Variants in CTNNA3 observed in about 807,000 individuals in gnomAD.
CTNNA3 encodes catenin alpha-3.
In CTNNA3, 76 loss-of-function variants were observed where a neutral mutation model predicts 95.7. The ratio of observed to expected loss-of-function variants is 0.79; its 90% confidence interval spans 0.66 to 0.96. The LOEUF (loss-of-function observed/expected upper bound fraction) is 0.96. CTNNA3 is among the 40% of genes least tolerant of loss of function. CTNNA3 has a pLI of 0.00. For missense variants in CTNNA3, 1,191 were observed against 1,089.8 expected (o/e 1.09, Z -1.31); for synonymous variants, 431 against 374.4 (o/e 1.15, Z -1.74).
At chr10:67,270,827 A>G (rs1838941984) in intron 5 of CTNNA3, among the ~76,000 whole-genome samples, 1 of 152,164 alleles carries the variant, frequency 6.6e-6, no homozygotes, top group East Asian at 1.9e-4. Flanking sequence ...AAGCCATACT[A>G]CCTTGATAAT....
intron 7 of CTNNA3, among the ~76,000 whole-genome samples, chr10:67,020,309 A>G (rs1034643751): frequency 2.0e-5 from 3 of 152,194 alleles, no homozygotes; most frequent in African/African-American, 7.2e-5. Flanking sequence ...ATACAGCCTC[A>G]TGTTAAATTA....
chr10:66,371,763 G>GCA (rs1472073531), intron 12 of CTNNA3, among the ~76,000 whole-genome samples: 4 of 152,116 alleles, frequency 2.6e-5, no homozygotes, highest in Non-Finnish European at 5.9e-5. Context: ...GTGAGGCAGA[G>GCA]CACTGTCTGC....
At chr10:67,756,687 G>C (rs1841435022) in intron 1 of CTNNA3, among the ~76,000 whole-genome samples, 1 of 152,164 alleles carries the variant, frequency 6.6e-6, no homozygotes, top group South Asian at 2.1e-4. Context: ...TGAGGAAAGT[G>C]GGGAGTGAAG....
At chr10:66,548,788 T>C (rs1449634894) in intron 10 of CTNNA3, among the ~76,000 whole-genome samples, 3 of 152,084 alleles carry the variant, frequency 2.0e-5, no homozygotes, top group African/African-American at 7.2e-5. Flanking sequence ...ATCTTTCTTA[T>C]AATACATTTT....
intron 7 of CTNNA3, among the ~76,000 whole-genome samples, chr10:67,028,124 C>T (rs1853503418): frequency 6.6e-6 from 1 of 152,174 alleles, no homozygotes; most frequent in South Asian, 2.1e-4. Flanking sequence ...CTTTTCTCTA[C>T]TGATGAGTGT....
intron 7 of CTNNA3, among the ~76,000 whole-genome samples, chr10:67,110,493 A>G (rs543650593): frequency 6.6e-6 from 1 of 151,850 alleles, no homozygotes; most frequent in East Asian, 1.9e-4. Context: ...AAGTAATTGG[A>G]CAATTGGACA....
At chr10:66,761,241 G>A (rs1589225199) in intron 9 of CTNNA3, among the ~76,000 whole-genome samples, 1 of 152,120 alleles carries the variant, frequency 6.6e-6, no homozygotes, top group Non-Finnish European at 1.5e-5. Context: ...TTTTGCGAGT[G>A]GGAACAATCA....
chr10:67,219,854 T>A lies in CTNNA3; in HGVS notation c.596A>T (p.Asn199Ile). Residue 199 changes from asparagine to isoleucine, a missense_variant, in exon 6 of 18, where the codon AAT becomes ATT. Asn to Ile is a moderately radical substitution (Grantham distance 149). Coordinates refer to ENST00000433211, the MANE Select transcript of CTNNA3 (RefSeq NM_013266.4). ...GGCTCCTGCAATTTCATCTCTCTGA[T>A]TTGGAGATTTTAAGTCCTGAGAAGG... ...FKRQQDLKSP[N>I]QRDEIAGARA... The A allele has an allele frequency of 6.2e-7, 1 of 1,611,124 alleles. No homozygotes were observed. The highest frequency in any genetic ancestry group is 1.1e-5 in the South Asian group (1 of 90,730).
intron 6 of CTNNA3, among the ~76,000 whole-genome samples, chr10:67,198,321 G>A (rs1476507624): frequency 1.3e-5 from 2 of 152,064 alleles, no homozygotes; most frequent in Non-Finnish European, 2.9e-5. Flanking sequence ...AGCACTGGTG[G>A]AGGATAAAAG....
At chr10:67,082,961 A>G (rs1026890487) in intron 7 of CTNNA3, among the ~76,000 whole-genome samples, 2 of 152,120 alleles carry the variant, frequency 1.3e-5, no homozygotes, top group African/African-American at 4.8e-5. Context: ...CATTAACTGG[A>G]TTGCTGAACC....
In CTNNA3 at chr10:67,298,044, A is replaced by G. The variant is rs1840118040; in HGVS notation, c.580-78174T>C. ...CAGTCATTGGAATGGTAAGATGTAC[A>G]AGTACTTTTTAAGTTGGCTTCATCT... On this transcript the variant is annotated intron_variant, in intron 5 of 17. Transcript: ENST00000433211. Among the ~76,000 whole-genome samples the G allele has an allele frequency of 3.9e-5, 6 of 152,346 alleles. No individual in the cohort carries two copies. The South Asian group carries it at 1.2e-3, about 32-fold the overall frequency.
At chr10:66,634,687 TACTC>T (rs1394931719) in intron 9 of CTNNA3, among the ~76,000 whole-genome samples, 2 of 151,840 alleles carry the variant, frequency 1.3e-5, no homozygotes, top group African/African-American at 4.8e-5. Flanking sequence ...TTTCCTATCT[TACTC>T]ACACCTCCAA....
intron 7 of CTNNA3, among the ~76,000 whole-genome samples, chr10:67,088,783 G>A (rs959165160): frequency 3.3e-5 from 5 of 151,666 alleles, no homozygotes; most frequent in Admixed American, 1.3e-4. Flanking sequence ...CATTATTCTC[G>A]TTACAGACAC....
intron 12 of CTNNA3, among the ~76,000 whole-genome samples, chr10:66,309,943 AAATAAATAAAT>A (rs1564856533): frequency 2.1e-5 from 3 of 140,294 alleles, no homozygotes; most frequent in East Asian, 2.0e-4. Flanking sequence ...ATAAATAAAT[AAATAAATAAAT>A]AAAATAAAAA....
In CTNNA3 at chr10:67,724,751, C is replaced by T. The variant is rs78282293; in HGVS notation, c.-2+38683G>A. Among the ~76,000 whole-genome samples the T allele has an allele frequency of 7.2e-3, 1,098 of 152,218 alleles. 16 individuals carry two copies. Among genetic ancestry groups the T allele is most frequent in the African/African-American group, 0.025 (1,045 of 41,552 alleles). On this transcript the variant is annotated intron_variant, in intron 1 of 17. Coordinates refer to the CTNNA3 transcript ENST00000684154. Reference sequence around the variant, plus strand: ...TACCTAGTATATTTTCCAAGTTTTACGGCCCGAATCACTAAATCCAAAGCT... The same window carrying T: ...TACCTAGTATATTTTCCAAGTTTTATGGCCCGAATCACTAAATCCAAAGCT...
At chr10:67,015,740 A>AT (rs1489058859) in intron 7 of CTNNA3, among the ~76,000 whole-genome samples, 1 of 151,634 alleles carries the variant, frequency 6.6e-6, no homozygotes, top group African/African-American at 2.4e-5. Flanking sequence ...TTATTGATTC[A>AT]TTTTTTTCTG....
In CTNNA3 at chr10:67,211,431, C is replaced by T. The variant is rs562047416; in HGVS notation, c.843+8176G>A. 2.7e-3 allele frequency among the ~76,000 whole-genome samples: 407 copies of T among 152,238 alleles called. 1 individual carries two copies. The highest frequency in any genetic ancestry group is 9.0e-3 in the African/African-American group (376 of 41,560). On this transcript the variant is annotated intron_variant, in intron 6 of 17. Coordinates refer to ENST00000433211, the MANE Select transcript of CTNNA3 (RefSeq NM_013266.4). ...AGCAAACAAGGTCTAATACTCATTA[C>T]TATCCATGTGTTTTATTTAATCATC...
intron 7 of CTNNA3, chr10:66,926,722 T>C (rs1433822144): frequency 8.9e-7 from 1 of 1,129,264 alleles, no homozygotes; most frequent in African/African-American, 1.6e-5. Context: ...ATTTGCTTAG[T>C]GGCATGTTTC....
chr10:67,246,227 T>C (rs1374412388), intron 5 of CTNNA3, among the ~76,000 whole-genome samples: 5 of 152,236 alleles, frequency 3.3e-5, no homozygotes, highest in Non-Finnish European at 7.3e-5. Context: ...ATTCACTGTT[T>C]AGTTGTTGCC....
Sources: gnomAD v4.1 joint callset for allele counts (sites outside exome capture counted in the v4.1 genomes callset) on GRCh38, gnomAD v4.1.1 for gene constraint, MANE v1.5 for transcripts, NCBI Gene and HGNC (gene_info 2026-07-23, HGNC 2026-07-21) for gene names.